Variants in CEP112 observed in about 807,000 individuals in gnomAD.
CEP112 encodes centrosomal protein of 112 kDa.
Under a neutral mutation model 153.0 loss-of-function variants are expected in CEP112, and 127 were observed. That is an observed-to-expected ratio of 0.83 (90% CI 0.72 to 0.96). The LOEUF is 0.96. Among genes scored for constraint, CEP112 ranks in the 40% least tolerant of loss-of-function variants. The pLI is 0.00. For synonymous variants in CEP112, 358 were observed against 374.4 expected, an observed-to-expected ratio of 0.96 and a Z score of 0.51; for missense variants, 1,089 against 1,101.2, an observed-to-expected ratio of 0.99 and a Z score of 0.16.
At chr17:65,642,011 T>C (rs1163375551) in intron 24 of CEP112, among the ~76,000 whole-genome samples, 1 of 152,166 alleles carries the variant, frequency 6.6e-6, no homozygotes, top group African/African-American at 2.4e-5. Flanking sequence ...TGGTGGCTCA[T>C]CCCATTCATC....
At chr17:65,778,928 A>G (rs2053843244) in intron 21 of CEP112, among the ~76,000 whole-genome samples, 2 of 152,222 alleles carry the variant, frequency 1.3e-5, no homozygotes, top group South Asian at 4.1e-4. Context: ...TGAGCCCAGG[A>G]GGTGGAGCCT....
chr17:66,018,668 G>C (rs942903565), intron 16 of CEP112, among the ~76,000 whole-genome samples: 2 of 152,116 alleles, frequency 1.3e-5, no homozygotes, highest in African/African-American at 4.8e-5. Flanking sequence ...TAAATATACG[G>C]CTGTGACTAT....
intron 17 of CEP112, among the ~76,000 whole-genome samples, chr17:65,992,933 TTTTTATTTTTAC>T (rs989880736): frequency 4.2e-5 from 4 of 95,768 alleles, no homozygotes; most frequent in Admixed American, 1.6e-4. Context: ...TCTTTTTTGT[TTTTTATTTTTAC>T]TTTTAAGTTC....
chr17:65,975,062 G>A (rs1043723906), intron 17 of CEP112, among the ~76,000 whole-genome samples: 7 of 152,154 alleles, frequency 4.6e-5, no homozygotes, highest in African/African-American at 1.7e-4. Context: ...CACACTGAAG[G>A]GGGAATAAAT....
At chr17:65,874,791 C>G (rs1049568448) in intron 20 of CEP112, among the ~76,000 whole-genome samples, 1 of 152,034 alleles carries the variant, frequency 6.6e-6, no homozygotes, top group South Asian at 2.1e-4. Context: ...CAACTTACTA[C>G]CCACATTGTA....
intron 18 of CEP112, among the ~76,000 whole-genome samples, chr17:65,947,374 A>C (rs1445759689): frequency 6.6e-6 from 1 of 152,170 alleles, no homozygotes; most frequent in Non-Finnish European, 1.5e-5. Flanking sequence ...TTTTATGAAT[A>C]AATGAAAGAA....
intron 23 of CEP112, among the ~76,000 whole-genome samples, chr17:65,695,428 T>A (rs1464917176): frequency 5.3e-5 from 8 of 152,216 alleles, no homozygotes; most frequent in Admixed American, 5.2e-4. Flanking sequence ...ATTTTAATAA[T>A]ATGTATGAAC....
intron 4 of CEP112, among the ~76,000 whole-genome samples, chr17:66,157,496 T>C (rs969387155): frequency 1.3e-5 from 2 of 152,108 alleles, no homozygotes; most frequent in Admixed American, 6.5e-5. Flanking sequence ...CCAGCTAGCA[T>C]CATAATGACA....
intron 24 of CEP112, among the ~76,000 whole-genome samples, chr17:65,680,187 G>A (rs1028971165): frequency 6.6e-6 from 1 of 152,058 alleles, no homozygotes; most frequent in Non-Finnish European, 1.5e-5. Context: ...ATGCTTTTTG[G>A]TGCTATAATG....
At chr17:66,039,131 A>G (rs1487908123) in intron 12 of CEP112, among the ~76,000 whole-genome samples, 4 of 152,208 alleles carry the variant, frequency 2.6e-5, no homozygotes, top group Non-Finnish European at 5.9e-5. Flanking sequence ...GCCAACTGAC[A>G]AGAGGAAATT....
intron 20 of CEP112, among the ~76,000 whole-genome samples, chr17:65,900,905 A>C (rs1482305975): frequency 6.6e-6 from 1 of 152,212 alleles, no homozygotes; most frequent in Non-Finnish European, 1.5e-5. Context: ...GTAGCAAGCC[A>C]GCGTAAAACA....
intron 20 of CEP112, among the ~76,000 whole-genome samples, chr17:65,877,916 C>G (rs547704132): frequency 6.6e-6 from 1 of 152,106 alleles, no homozygotes; most frequent in African/African-American, 2.4e-5. Context: ...GAGGATATTA[C>G]GCCAAGTGAA....
intron 21 of CEP112, among the ~76,000 whole-genome samples, chr17:65,758,632 G>A (rs1182454658): frequency 6.6e-6 from 1 of 152,134 alleles, no homozygotes; most frequent in Non-Finnish European, 1.5e-5. Context: ...TTTAAGGCAA[G>A]CCCAGATCTT....
At chr17:65,961,415 C>G (rs1231753523) in intron 18 of CEP112, 48 bp downstream of exon 18, 3 of 1,527,254 alleles carry the variant, frequency 2.0e-6, no homozygotes, top group Non-Finnish European at 2.7e-6. Flanking sequence ...ATGTACCTTC[C>G]TACTGAGAGA....
chr17:65,986,158 T>C (rs2063399222), intron 17 of CEP112, among the ~76,000 whole-genome samples: 1 of 150,858 alleles, frequency 6.6e-6, no homozygotes, highest in Admixed American at 6.6e-5. Flanking sequence ...CTAAAATACC[T>C]AGAAAGAGAA....
intron 16 of CEP112, among the ~76,000 whole-genome samples, chr17:66,019,318 ACAACAAC>A (rs386798493): frequency 6.6e-6 from 1 of 151,932 alleles, no homozygotes. Flanking sequence ...AACAACAACA[ACAACAAC>A]AAAAAAGCCC....
At chr17:65,646,402 T>C (rs766925060) in intron 24 of CEP112, among the ~76,000 whole-genome samples, 2 of 152,226 alleles carry the variant, frequency 1.3e-5, no homozygotes, top group African/African-American at 2.4e-5. Flanking sequence ...TAAACTCAAA[T>C]GCTCAATTTA....
intron 12 of CEP112, chr17:66,043,136 T>A: frequency 1.1e-6 from 1 of 909,708 alleles, no homozygotes; most frequent in Non-Finnish European, 1.3e-6. Flanking sequence ...ATTCAGACTG[T>A]CGCTGAATTT....
intron 16 of CEP112, among the ~76,000 whole-genome samples, chr17:66,017,353 T>G (rs1450176448): frequency 2.0e-5 from 3 of 152,176 alleles, no homozygotes; most frequent in Non-Finnish European, 4.4e-5. Flanking sequence ...AATGAAATTA[T>G]CTGGGTGGGA....
Sources: gnomAD v4.1 joint callset for allele counts (sites outside exome capture counted in the v4.1 genomes callset) on GRCh38, gnomAD v4.1.1 for gene constraint, MANE v1.5 for transcripts, NCBI Gene and HGNC (gene_info 2026-07-23, HGNC 2026-07-21) for gene names.